SNTG1: variants seen among roughly 807,000 people sequenced by gnomAD.
The protein encoded by SNTG1 is syntrophin gamma 1, also known as gamma-1-syntrophin.
A neutral mutation model predicts 74.7 loss-of-function variants in SNTG1; 39 were observed. The observed-to-expected ratio is 0.52, with a 90% CI of 0.40 to 0.68. The LOEUF (loss-of-function observed/expected upper bound fraction) is 0.68, where lower values mean the gene tolerates loss of function less well. Ranked by LOEUF, SNTG1 falls within the 30% of genes least tolerant of loss-of-function variation. The probability of loss-of-function intolerance (pLI) is 0.00; values close to 1 mark genes in which losing one functional copy is unlikely to be tolerated. For synonymous variants in SNTG1, 254 were observed against 217.1 expected (o/e 1.17, Z -1.49); for missense variants, 685 against 609.5 (o/e 1.12, Z -1.30).
At chr8:50,021,249 G>T (rs576947871) in intron 1 of SNTG1, among the ~76,000 whole-genome samples, 1 of 152,212 alleles carries the variant, frequency 6.6e-6, no homozygotes, top group East Asian at 1.9e-4. Flanking sequence ...CTTCCAACAT[G>T]ACTTCCTCAA....
chr8:50,116,211 T>C (rs1401834631), intron 1 of SNTG1, among the ~76,000 whole-genome samples: 1 of 152,294 alleles, frequency 6.6e-6, no homozygotes, highest in African/African-American at 2.4e-5. Context: ...ATTTAGGGTG[T>C]CGGATTCCAG....
At chr8:50,103,859 A>G (rs2080253693) in intron 1 of SNTG1, among the ~76,000 whole-genome samples, 1 of 152,204 alleles carries the variant, frequency 6.6e-6, no homozygotes, top group South Asian at 2.1e-4. Context: ...ATGCTGGATT[A>G]CATTTATTGA....
intron 16 of SNTG1, among the ~76,000 whole-genome samples, chr8:50,706,768 T>C (rs976145607): frequency 3.3e-5 from 5 of 152,102 alleles, no homozygotes; most frequent in East Asian, 1.9e-4. Context: ...ATTTAAAGTA[T>C]GTGAATATAT....
At chr8:50,771,923 A>G (rs1258918452) in intron 18 of SNTG1, among the ~76,000 whole-genome samples, 1 of 152,142 alleles carries the variant, frequency 6.6e-6, no homozygotes, top group East Asian at 1.9e-4. Flanking sequence ...GCAGGCCTGC[A>G]AAATGTGAGA....
intron 15 of SNTG1, among the ~76,000 whole-genome samples, chr8:50,689,930 G>C (rs113081775): frequency 1.3e-5 from 2 of 152,016 alleles, no homozygotes; most frequent in African/African-American, 2.4e-5. Context: ...TTCAGAGCCT[G>C]TTATTGGTCT....
Position 50,172,562 on chromosome 8 carries a change from C to T in SNTG1, c.-101C>T, listed in dbSNP as rs1297358360. 4 of 151,948 alleles carry T rather than the reference C, an allele frequency of 2.6e-5. No homozygotes were observed. Among genetic ancestry groups the T allele is most frequent in the Non-Finnish European group, 4.4e-5 (3 of 67,988 alleles). The allele number at this position is 151,948 out of a possible 1,614,324, so 9.4% of individuals were successfully genotyped here. ...ATTTTTTTTTATTTCTGCATCTAGACTGCTCTCCAGAATGTTGAGATTGCC... is the reference window on the plus strand; with the variant it reads ...ATTTTTTTTTATTTCTGCATCTAGATTGCTCTCCAGAATGTTGAGATTGCC... On this transcript the variant is annotated splice_region_variant and 5_prime_UTR_variant, in exon 2 of 19. Coordinates refer to ENST00000642720, the MANE Select transcript of SNTG1 (RefSeq NM_018967.5).
At chr8:50,172,854 C>T (rs913366786) in intron 2 of SNTG1, among the ~76,000 whole-genome samples, 7 of 151,206 alleles carry the variant, frequency 4.6e-5, no homozygotes, top group Admixed American at 1.3e-4. Flanking sequence ...GTTGTAGTTA[C>T]ACAGCATTTT....
intron 10 of SNTG1, among the ~76,000 whole-genome samples, chr8:50,531,804 G>C (rs1368539797): frequency 6.6e-6 from 1 of 152,190 alleles, no homozygotes; most frequent in Non-Finnish European, 1.5e-5. Flanking sequence ...ACTTACTTCA[G>C]AATGGGAGAA....
chr8:50,595,679 G>A (rs73587025), intron 13 of SNTG1, among the ~76,000 whole-genome samples: 5 of 151,880 alleles, frequency 3.3e-5, no homozygotes, highest in African/African-American at 1.2e-4. Context: ...TAGCAAAATT[G>A]TCTTGTTTTA....
intron 2 of SNTG1, among the ~76,000 whole-genome samples, chr8:50,176,210 C>T (rs1048496195): frequency 1.3e-5 from 2 of 152,100 alleles, no homozygotes; most frequent in Non-Finnish European, 1.5e-5. Flanking sequence ...TGTGGCCTGC[C>T]CCTCTCTGTG....
chr8:50,032,344 C>T (rs578031969), intron 1 of SNTG1, among the ~76,000 whole-genome samples: 2 of 150,732 alleles, frequency 1.3e-5, no homozygotes, highest in East Asian at 1.9e-4. Context: ...GTTAATTTTG[C>T]TCTTTTATTC....
rs375181130 is a variant in SNTG1, at chr8:50,207,776, C to G, written c.-28+35141C>G. The stretch of plus-strand genomic sequence containing the variant: ...TTCTGGTATGTTGTGTCTTTGTTCT[C>G]ATTGGTTTCAAAGAACATCTTTATT... On this transcript the variant is annotated intron_variant, in intron 2 of 18. Transcript: ENST00000642720. 5.3e-5 allele frequency among the ~76,000 whole-genome samples: 8 copies of G among 152,272 alleles called. No homozygotes were observed. The East Asian group carries it at 1.3e-3, about 26-fold the overall frequency.
At chr8:50,444,370 T>G (rs2093386031) in intron 5 of SNTG1, among the ~76,000 whole-genome samples, 1 of 152,210 alleles carries the variant, frequency 6.6e-6, no homozygotes, top group African/African-American at 2.4e-5. Flanking sequence ...TACATTTTTC[T>G]GCATTCTGCT....
chr8:50,647,330 C>A (rs903649487), intron 13 of SNTG1, among the ~76,000 whole-genome samples: 5 of 151,954 alleles, frequency 3.3e-5, no homozygotes, highest in African/African-American at 1.2e-4. Context: ...GAACTGTTCC[C>A]TGAACTACAC....
At chr8:50,679,233 G>A (rs2095321862) in intron 15 of SNTG1, among the ~76,000 whole-genome samples, 2 of 151,938 alleles carry the variant, frequency 1.3e-5, no homozygotes, top group Admixed American at 1.3e-4. Context: ...TATTCATTAT[G>A]TACTAAGTAT....
chr8:50,046,931 C>T (rs746487862), intron 1 of SNTG1, among the ~76,000 whole-genome samples: 3 of 152,178 alleles, frequency 2.0e-5, no homozygotes, highest in Admixed American at 1.3e-4. Flanking sequence ...GTTCCAGTTA[C>T]ACTTTACTGT....
chr8:50,216,401 G>C (rs2084794424), intron 2 of SNTG1, among the ~76,000 whole-genome samples: 1 of 152,100 alleles, frequency 6.6e-6, no homozygotes, highest in Admixed American at 6.6e-5. Context: ...AAGGAAAGAA[G>C]TGTCCCACTT....
chr8:50,636,872 A>G (rs2095042521), intron 13 of SNTG1, among the ~76,000 whole-genome samples: 1 of 152,182 alleles, frequency 6.6e-6, no homozygotes, highest in Non-Finnish European at 1.5e-5. Flanking sequence ...CAAATGTATA[A>G]TGTCTTAAAC....
chr8:50,584,813 A>G (rs1358679623), intron 12 of SNTG1, among the ~76,000 whole-genome samples: 2 of 152,122 alleles, frequency 1.3e-5, no homozygotes, highest in Non-Finnish European at 2.9e-5. Flanking sequence ...ACCGACCACA[A>G]CTGTGCAAGT....
Sources: allele counts gnomAD v4.1 joint callset (sites outside exome capture counted in the v4.1 genomes callset), GRCh38; gene constraint gnomAD v4.1.1; transcripts MANE v1.5; gene names NCBI Gene and HGNC (gene_info 2026-07-23, HGNC 2026-07-21).